EPX: variants seen among roughly 807,000 people sequenced by gnomAD.
EPX encodes eosinophil peroxidase.
A neutral mutation model predicts 73.0 loss-of-function variants in EPX; 60 were observed. The ratio of observed to expected loss-of-function variants is 0.82; its 90% CI spans 0.67 to 1.02. EPX has a LOEUF of 1.02. Ranked by LOEUF, EPX falls within the 50% of genes least tolerant of loss-of-function variation. The pLI is 0.00. For missense variants in EPX, 950 were observed against 973.9 expected (o/e 0.98, Z 0.33); for synonymous variants, 347 against 389.2 (o/e 0.89, Z 1.28).
At chr17:58,194,791 G>A (rs924586519) in intron 5 of EPX, among the ~76,000 whole-genome samples, 173 bp from the exon 6 acceptor site, 1 of 152,202 alleles carries the variant, frequency 6.6e-6, no homozygotes, top group Non-Finnish European at 1.5e-5. Flanking sequence ...ATCCTTCTAG[G>A]AATGAGAGCA....
At position 58,197,010 on chromosome 17, in the gene EPX, CCCCCAAA is replaced by C. The variant is rs1968265864; in HGVS notation, c.874_880del (p.Pro292ThrfsTer109). 1 of 1,614,008 alleles carries C rather than the reference CCCCCAAA, an allele frequency of 6.2e-7. No homozygotes were observed. Among genetic ancestry groups the C allele is most frequent in the African/African-American group, 1.3e-5 (1 of 74,890 alleles). ...CTTTCTTCCGCTCGGCACCCTCATG[CCCCCAAA>C]ACAAGAACAGAGTCCGCAACCAGAT... On this transcript the variant is annotated frameshift_variant, in exon 7 of 13. Transcript: ENST00000225371. LOFTEE classifies it high-confidence loss of function.
chr17:58,193,672 C>A, intron 3 of EPX, 42 bp from the exon 4 acceptor site: 1 of 1,544,446 alleles, frequency 6.5e-7, no homozygotes, highest in Non-Finnish European at 8.9e-7. Context: ...ATGGGAGGTA[C>A]AGAGCAGGCC....
intron 2 of EPX, 38 bp from the exon 3 acceptor site, chr17:58,193,333 A>G (rs965091023): frequency 6.2e-7 from 1 of 1,610,186 alleles, no homozygotes; most frequent in Non-Finnish European, 8.5e-7. Flanking sequence ...GTGGGTCTGC[A>G]CCCTCTCTCC....
chr17:58,203,315 A>G lies in EPX; in HGVS notation c.1943A>G (p.Asp648Gly). The change falls in exon 11 of 13, where the codon GAC becomes GGC. Residue 648 changes from aspartate (D) to glycine (G), a missense_variant. Transcript: ENST00000225371. Reference protein sequence around the residue: ...ENQFRRARDGDRFWWQKRGVF... With the variant: ...ENQFRRARDGGRFWWQKRGVF... ...CAGTTCAGAAGAGCCCGAGACGGAGACAGGTAAGTGACCCTATCATAAAAG... is the reference window on the plus strand; with the variant it reads ...CAGTTCAGAAGAGCCCGAGACGGAGGCAGGTAAGTGACCCTATCATAAAAG... 6.2e-7 allele frequency: 1 copy of G among 1,605,872 alleles called. No individual in the cohort carries two copies. The highest frequency in any genetic ancestry group is 8.5e-7 in the Non-Finnish European group (1 of 1,172,418).
intron 6 of EPX, 102 bp from the exon 7 acceptor site, chr17:58,196,837 G>T (rs1000228687): frequency 1.6e-5 from 15 of 917,770 alleles, no homozygotes; most frequent in Admixed American, 1.4e-4. Context: ...CTTCCTGGAG[G>T]AAGGGAGTTT....
intron 10 of EPX, 158 bp from the exon 11 acceptor site, chr17:58,202,923 T>C (rs1297907453): frequency 2.9e-6 from 2 of 680,530 alleles, no homozygotes; most frequent in Admixed American, 2.1e-5. Flanking sequence ...GACAGAAACC[T>C]AGTCTTTGGA....
intron 10 of EPX, 145 bp from the exon 11 acceptor site, chr17:58,202,936 C>T: frequency 1.4e-6 from 1 of 703,162 alleles, no homozygotes. Context: ...TCTTTGGAAG[C>T]TCTAGGGACT....
At chr17:58,204,660 C>T (rs1968405207) in intron 12 of EPX, 76 bp from the exon 13 acceptor site, 2 of 566,242 alleles carry the variant, frequency 3.5e-6, no homozygotes, top group Non-Finnish European at 6.3e-6. Flanking sequence ...TCAGCTTGGT[C>T]ACTAATACCT....
chr17:58,200,073 T>C, intron 9 of EPX, 152 bp from the exon 10 acceptor site: 1 of 772,756 alleles, frequency 1.3e-6, no homozygotes, highest in Non-Finnish European at 2.2e-6. Flanking sequence ...CTCCAGCTGC[T>C]TCATGTCTCT....
chr17:58,194,162 G>A, intron 5 of EPX, 70 bp downstream of exon 5: 3 of 1,528,396 alleles, frequency 2.0e-6, no homozygotes, highest in Non-Finnish European at 1.8e-6. Flanking sequence ...ACAGCCCAGA[G>A]TCACGCAGGC....
Position 58,196,017 on chromosome 17 carries a change from TTTCC to T in EPX, c.801+858_801+861del, listed in dbSNP as rs568090213. 5.0e-3 allele frequency among the ~76,000 whole-genome samples: 720 copies of T among 142,708 alleles called. 10 individuals carry two copies. The highest frequency in any genetic ancestry group is 0.018 in the African/African-American group (659 of 36,938). The allele number at this position is 142,708 out of a possible 152,430, so 93.6% of individuals were successfully genotyped here. A position where few individuals can be genotyped will look rare whatever the true frequency, so the allele number is the denominator to read the frequency against. ...TTCCTTCCTTCCCTTCCTTCCTTCA[TTTCC>T]TTCCTTCCTTTCTTTCTTTCTTTTT... On this transcript the variant is annotated intron_variant, in intron 6 of 12. Transcript: ENST00000225371.
chr17:58,200,604 C>A (rs980441425), intron 10 of EPX, among the ~76,000 whole-genome samples: 1 of 152,202 alleles, frequency 6.6e-6, no homozygotes, highest in African/African-American at 2.4e-5. Context: ...ACTGTAGGGG[C>A]TCCAGCTTTA....
chr17:58,199,053 A>G lies in EPX; in HGVS notation c.1134A>G (p.Ser378=). The G allele has an allele frequency of 6.2e-7, 1 of 1,613,896 alleles. No homozygotes were observed. Among genetic ancestry groups the G allele is most frequent in the Non-Finnish European group, 8.5e-7 (1 of 1,180,028 alleles). The change falls in exon 8 of 13, where the codon TCA becomes TCG. Residue 378 remains serine (S), a synonymous_variant. Coordinates refer to ENST00000225371, the MANE Select transcript of EPX (RefSeq NM_000502.6). Reference sequence around the variant, plus strand: ...GGGGTTTTCAAGGTGACACCCGATCAACGGAAACCCCCAAACTGGCAGCCA... The same window carrying G: ...GGGGTTTTCAAGGTGACACCCGATCGACGGAAACCCCCAAACTGGCAGCCA... The part of the protein sequence containing the change: ...IPCFLAGDTR[S]TETPKLAAMH...
Position 58,199,806 on chromosome 17 carries a change from T to G in EPX, c.1537+12T>G. 1 of 1,579,898 alleles carries G rather than the reference T, an allele frequency of 6.3e-7. No homozygotes were observed. Among genetic ancestry groups the G allele is most frequent in the Non-Finnish European group, 8.6e-7 (1 of 1,156,812 alleles). ...GATCGTGTATGAAGGTGACCAGGTT[T>G]TCCAGGGGGCAAATGGGGGTGAGGG... On this transcript the variant is annotated intron_variant, in intron 9 of 12. Coordinates refer to ENST00000225371, the MANE Select transcript of EPX (RefSeq NM_000502.6).
rs1408385939 is a variant in EPX at position 58,192,823 on chromosome 17, A to G, written c.-24A>G. 1.2e-6 allele frequency: 2 copies of G among 1,609,732 alleles called. No individual in the cohort carries two copies. Among genetic ancestry groups the G allele is most frequent in the African/African-American group, 2.7e-5 (2 of 74,870 alleles). On this transcript the variant is annotated 5_prime_UTR_variant, in exon 1 of 13. Transcript: ENST00000225371. The stretch of plus-strand genomic sequence containing the variant: ...AGGCTGTGGATGTCACTCACTTCCC[A>G]GCTGGTGAAGCCTCGCTGCAGAGAT...
At chr17:58,204,650 T>C in intron 12 of EPX, 86 bp from the exon 13 acceptor site, 1 of 576,896 alleles carries the variant, frequency 1.7e-6, no homozygotes, top group Non-Finnish European at 3.1e-6. Context: ...CCAACTATCC[T>C]CAGCTTGGTC....
Position 58,200,243 on chromosome 17 carries a change from TC to T in EPX, c.1558del (p.Arg520GlyfsTer10), listed in dbSNP as rs772931683. ...IVYEGGIDPILRGLMATPAKL... is the reference protein window; with the variant it reads ...IVYEGGIDPIXRGLMATPAKL... ...CCACCAGGGGGCATCGACCCCATCC[TC>T]CGGGGCCTCATGGCCACCCCTGCCA... On this transcript the variant is annotated frameshift_variant, in exon 10 of 13. Transcript: ENST00000225371. LOFTEE classifies it high-confidence loss of function. The T allele has an allele frequency of 1.2e-6, 2 of 1,614,014 alleles. No homozygotes were observed. The highest frequency in any genetic ancestry group is 1.3e-5 in the African/African-American group (1 of 74,924).
At chr17:58,202,999 C>T in intron 10 of EPX, 82 bp from the exon 11 acceptor site, 2 of 1,020,000 alleles carry the variant, frequency 2.0e-6, no homozygotes, top group Admixed American at 1.7e-5. Flanking sequence ...GCCACAGCTT[C>T]CCCCCAGAGG....
In EPX at chr17:58,194,069, C is replaced by T. The variant is rs903413866; in HGVS notation, c.571C>T (p.Arg191Cys). The T allele has an allele frequency of 1.5e-5, 24 of 1,613,330 alleles. No individual in the cohort carries two copies. Among genetic ancestry groups the T allele is most frequent in the African/African-American group, 4.0e-5 (3 of 74,930 alleles). Residue 191 changes from arginine (R) to cysteine (C), a missense_variant, in exon 5 of 13, where the codon CGC becomes TGC. Physicochemically the swap from Arg to Cys is radical, Grantham distance 180. Transcript: ENST00000225371. ...CTTCGGCTGGACCCCCAGCAGGAGG[C>T]GCAATGGCTTCCTTCTCCCTCTTGT... ...LPFGWTPSRR[R>C]NGFLLPLVRA...
Sources: gnomAD v4.1 joint callset for allele counts (sites outside exome capture counted in the v4.1 genomes callset) on GRCh38, gnomAD v4.1.1 for gene constraint, MANE v1.5 for transcripts, NCBI Gene and HGNC (gene_info 2026-07-23, HGNC 2026-07-21) for gene names.